The following AUTS2 variants were observed in gnomAD, a reference collection of about 807,000 sequenced individuals.
AUTS2 encodes the protein activator of transcription and developmental regulator AUTS2.
A neutral mutation model predicts 112.4 loss-of-function variants in AUTS2; 17 were observed. That is an observed-to-expected ratio of 0.15 (90% CI 0.10 to 0.23). The LOEUF (loss-of-function observed/expected upper bound fraction) is 0.23, where lower values mean the gene tolerates loss of function less well. AUTS2 is among the 10% of genes least tolerant of loss of function. The pLI, the probability that AUTS2 is intolerant of heterozygous loss-of-function variation, is 1.00. For missense variants in AUTS2, 1,510 were observed against 1,701.6 expected (o/e 0.89, Z 1.98); for synonymous variants, 751 against 702.7 (o/e 1.07, Z -1.09).
intron 1 of AUTS2, among the ~76,000 whole-genome samples, chr7:69,715,275 G>A (rs1798550419): frequency 6.6e-6 from 1 of 150,578 alleles, no homozygotes; most frequent in South Asian, 2.1e-4. Context: ...CATGTTCAGA[G>A]TAACTGTAAT....
rs1413807026 is a variant in AUTS2, at chr7:69,729,390, G to A, written c.309+129428G>A. On this transcript the variant is annotated intron_variant, in intron 1 of 18. Coordinates refer to ENST00000342771, the MANE Select transcript of AUTS2 (RefSeq NM_015570.4). Reference sequence around the variant, plus strand: ...CTTTAAGAAGTCTCTAATCTATTATGGGATTAAGAGTTTTAAATGTCCCCC... The same window carrying A: ...CTTTAAGAAGTCTCTAATCTATTATAGGATTAAGAGTTTTAAATGTCCCCC... Among the ~76,000 whole-genome samples the A allele has an allele frequency of 2.7e-5, 4 of 149,610 alleles. 1 individual carries two copies. The highest frequency in any genetic ancestry group is 4.4e-5 in the Non-Finnish European group (3 of 67,578).
chr7:70,293,840 G>C (rs1292358739), intron 4 of AUTS2: 1 of 152,166 alleles, frequency 6.6e-6, no homozygotes, highest in Non-Finnish European at 1.5e-5. Flanking sequence ...CACCTCTTTG[G>C]AGCATTTGCA....
rs1427875852 is a variant in AUTS2 at position 70,303,434 on chromosome 7, G to GCA, written c.661-132315_661-132314dup. On this transcript the variant is annotated intron_variant, in intron 4 of 18. Coordinates refer to ENST00000342771, the MANE Select transcript of AUTS2 (RefSeq NM_015570.4). ...CACGCACACACACACGCGCGCGCGCGCACATACACACACACACACACACAC... is the reference window on the plus strand; with the variant it reads ...CACGCACACACACACGCGCGCGCGCGCACACATACACACACACACACACACAC... 3.9e-3 allele frequency among the ~76,000 whole-genome samples: 547 copies of GCA among 142,038 alleles called. 6 individuals carry two copies. The highest frequency in any genetic ancestry group is 9.2e-3 in the African/African-American group (352 of 38,078). 93.2% of individuals were successfully genotyped at this position (142,038 alleles called of 152,430 possible). A position where few individuals can be genotyped will look rare whatever the true frequency, so the allele number is the denominator to read the frequency against.
chr7:70,173,868 CCT>C (rs147293138), intron 4 of AUTS2, among the ~76,000 whole-genome samples: 2 of 151,442 alleles, frequency 1.3e-5, no homozygotes, highest in Non-Finnish European at 1.5e-5. Context: ...ACCTGCCTTT[CCT>C]CTCTCTCTCT....
chr7:70,037,048 A>C (rs758848982), intron 2 of AUTS2, among the ~76,000 whole-genome samples: 13 of 152,240 alleles, frequency 8.5e-5, no homozygotes, highest in Non-Finnish European at 1.9e-4. Flanking sequence ...CTATAATGGA[A>C]TATTATGCAG....
chr7:70,287,949 G>A (rs908348960), intron 4 of AUTS2, among the ~76,000 whole-genome samples: 1 of 152,066 alleles, frequency 6.6e-6, no homozygotes, highest in African/African-American at 2.4e-5. Context: ...TTTGATCTTA[G>A]ATATTCCCCC....
At chr7:70,493,397 G>A (rs1026051030) in intron 5 of AUTS2, among the ~76,000 whole-genome samples, 1 of 152,204 alleles carries the variant, frequency 6.6e-6, no homozygotes, top group Non-Finnish European at 1.5e-5. Flanking sequence ...CTAAGTGAGT[G>A]CATGGATAGA....
intron 1 of AUTS2, among the ~76,000 whole-genome samples, chr7:69,691,972 G>A (rs1797368020): frequency 6.6e-6 from 1 of 152,194 alleles, no homozygotes; most frequent in Non-Finnish European, 1.5e-5. Flanking sequence ...AGATGCCTCA[G>A]TCTTGGTCTC....
intron 4 of AUTS2, among the ~76,000 whole-genome samples, chr7:70,136,601 T>G (rs1806576334): frequency 6.6e-6 from 1 of 152,222 alleles, no homozygotes; most frequent in Admixed American, 6.5e-5. Flanking sequence ...CTTTGTGATT[T>G]GTGCTGTCAT....
rs112841121 is a variant in AUTS2, at chr7:70,136,026, T to A, written c.660+1455T>A. Among the ~76,000 whole-genome samples, 248 of 152,288 alleles carry A rather than the reference T, an allele frequency of 1.6e-3. 6 individuals carry two copies. The highest frequency in any genetic ancestry group is 5.6e-3 in the African/African-American group (234 of 41,560). ...GAACATTCTAGTATTTTTTTTTTAT[T>A]GTCAGTAGGATCACCCTGAAAGAAG... is the stretch of plus-strand genomic sequence containing the variant. On this transcript the variant is annotated intron_variant, in intron 4 of 18. Coordinates refer to ENST00000342771, the MANE Select transcript of AUTS2 (RefSeq NM_015570.4).
chr7:70,104,052 G>A (rs1328171248), intron 2 of AUTS2, among the ~76,000 whole-genome samples: 1 of 151,696 alleles, frequency 6.6e-6, no homozygotes, highest in Non-Finnish European at 1.5e-5. Context: ...AATGTGATGT[G>A]CCCACTTGTC....
At chr7:69,672,065 T>C (rs546558835) in intron 1 of AUTS2, among the ~76,000 whole-genome samples, 3 of 148,426 alleles carry the variant, frequency 2.0e-5, no homozygotes, top group Non-Finnish European at 4.5e-5. Context: ...TTCTTTTTCT[T>C]TTTTTTTTTT....
At chr7:70,552,492 A>G (rs745684187) in intron 5 of AUTS2, among the ~76,000 whole-genome samples, 5 of 152,202 alleles carry the variant, frequency 3.3e-5, no homozygotes, top group African/African-American at 4.8e-5. Flanking sequence ...AGCAAAAGAA[A>G]CTTCTGGTTA....
At chr7:70,457,461 A>T (rs541959268) in intron 5 of AUTS2, among the ~76,000 whole-genome samples, 1 of 152,300 alleles carries the variant, frequency 6.6e-6, no homozygotes, top group South Asian at 2.1e-4. Flanking sequence ...CTCTCACCTG[A>T]GGAGGGAACT....
intron 1 of AUTS2, among the ~76,000 whole-genome samples, chr7:69,824,153 T>C (rs1584298246): frequency 6.6e-6 from 1 of 151,806 alleles, no homozygotes; most frequent in Non-Finnish European, 1.5e-5. Flanking sequence ...GTGGCTCACG[T>C]CTGTAATCCC....
At chr7:69,986,415 G>A (rs1317099373) in intron 2 of AUTS2, among the ~76,000 whole-genome samples, 1 of 152,202 alleles carries the variant, frequency 6.6e-6, no homozygotes, top group Non-Finnish European at 1.5e-5. Context: ...TCCATAATCT[G>A]GAATTGTTGT....
chr7:70,223,399 G>A (rs775319037), intron 4 of AUTS2, among the ~76,000 whole-genome samples: 1 of 152,072 alleles, frequency 6.6e-6, no homozygotes, highest in Non-Finnish European at 1.5e-5. Context: ...GATTATAATG[G>A]AGCTGAAAAA....
chr7:69,700,626 T>G (rs1379625464), intron 1 of AUTS2, among the ~76,000 whole-genome samples: 1 of 152,220 alleles, frequency 6.6e-6, no homozygotes, highest in African/African-American at 2.4e-5. Flanking sequence ...AGGCATATAA[T>G]TCAGAGCCCA....
chr7:70,624,208 A>G (rs1392433641), intron 5 of AUTS2, among the ~76,000 whole-genome samples: 2 of 152,268 alleles, frequency 1.3e-5, no homozygotes, highest in South Asian at 2.1e-4. Flanking sequence ...AAAGCACTGC[A>G]TAATACTCAG....
Sources: allele counts gnomAD v4.1 joint callset (sites outside exome capture counted in the v4.1 genomes callset), GRCh38; gene constraint gnomAD v4.1.1; transcripts MANE v1.5; gene names NCBI Gene and HGNC (gene_info 2026-07-23, HGNC 2026-07-21).